Variants in FAM151B observed in about 807,000 individuals in gnomAD.
FAM151B encodes protein FAM151B.
FAM151B carries 24 observed loss-of-function variants against 31.2 expected under a neutral mutation model. The ratio of observed to expected loss-of-function variants is 0.77; its 90% CI spans 0.56 to 1.08. FAM151B has a LOEUF of 1.08. FAM151B is among the 50% of genes least tolerant of loss of function. FAM151B has a pLI of 0.00. For synonymous variants in FAM151B, 105 were observed against 111.4 expected (o/e 0.94, Z 0.36); for missense variants, 293 against 328.6 (o/e 0.89, Z 0.84).
intron 5 of FAM151B, among the ~76,000 whole-genome samples, chr5:80,522,688 G>A (rs189570981): frequency 2.6e-5 from 4 of 152,172 alleles, no homozygotes; most frequent in Admixed American, 2.6e-4. Flanking sequence ...CTTGAAACTG[G>A]GAGGCCGAGG....
chr5:80,494,196 C>T (rs1213134112), intron 1 of FAM151B, among the ~76,000 whole-genome samples: 1 of 152,176 alleles, frequency 6.6e-6, no homozygotes, highest in South Asian at 2.1e-4. Flanking sequence ...CAGAGTAAGG[C>T]CCTAACTCTC....
intron 3 of FAM151B, among the ~76,000 whole-genome samples, chr5:80,515,831 G>C (rs574449206): frequency 2.0e-5 from 3 of 152,326 alleles, no homozygotes; most frequent in Admixed American, 6.5e-5. Context: ...AGGCAATGGA[G>C]ATGGAGGGGC....
intron 5 of FAM151B, among the ~76,000 whole-genome samples, chr5:80,538,961 T>G (rs983004683): frequency 6.7e-6 from 1 of 149,456 alleles, no homozygotes; most frequent in African/African-American, 2.5e-5. Flanking sequence ...GGTTCTGTTC[T>G]TTTCTTTGCT....
At chr5:80,538,095 G>A (rs1745604608) in intron 5 of FAM151B, among the ~76,000 whole-genome samples, 1 of 147,270 alleles carries the variant, frequency 6.8e-6, no homozygotes, top group Non-Finnish European at 1.5e-5. Flanking sequence ...TTGAGGCAGA[G>A]TCTCACTCTG....
chr5:80,537,457 T>TTGTG (rs1006591423), intron 5 of FAM151B, among the ~76,000 whole-genome samples: 1 of 152,158 alleles, frequency 6.6e-6, no homozygotes, highest in South Asian at 2.1e-4. Flanking sequence ...TTCTCAGATT[T>TTGTG]TGTGTGTGTG....
At chr5:80,509,915 A>C (rs916708145) in intron 2 of FAM151B, among the ~76,000 whole-genome samples, 1 of 152,208 alleles carries the variant, frequency 6.6e-6, no homozygotes, top group Non-Finnish European at 1.5e-5. Flanking sequence ...ATGGAAAACA[A>C]TAAAATGAGC....
At chr5:80,520,570 A>C (rs1310873829) in intron 4 of FAM151B, among the ~76,000 whole-genome samples, 1 of 150,342 alleles carries the variant, frequency 6.7e-6, no homozygotes, top group Non-Finnish European at 1.5e-5. Flanking sequence ...ACTTGAACCC[A>C]GGAGGCGTAG....
In FAM151B at chr5:80,499,364, C is replaced by T. The variant is rs972799145; in HGVS notation, c.26-2428C>T. Among the ~76,000 whole-genome samples, 11 of 152,086 alleles carry T rather than the reference C, an allele frequency of 7.2e-5. No homozygotes were observed. In the East Asian group the frequency reaches 7.7e-4, roughly 11 times the overall value. On this transcript the variant is annotated intron_variant, in intron 1 of 5. Coordinates refer to ENST00000282226, the MANE Select transcript of FAM151B (RefSeq NM_205548.3). ...ATATGAGAATTATGTATATTGCACA[C>T]GCTAGATAAACTTATGAATGCTAAT... is the stretch of plus-strand genomic sequence containing the variant.
intron 5 of FAM151B, 119 bp from the exon 6 acceptor site, chr5:80,541,554 A>G (rs1484570637): frequency 1.1e-6 from 1 of 886,010 alleles, no homozygotes; most frequent in South Asian, 1.5e-5. Context: ...ATTGCTGATT[A>G]ATTTTTTCAT....
At chr5:80,501,056 C>T in intron 1 of FAM151B, 3 of 462,586 alleles carry the variant, frequency 6.5e-6, no homozygotes, top group Non-Finnish European at 1.2e-5. Flanking sequence ...CTCTGTCACC[C>T]AGGCTGGAGT....
chr5:80,529,414 AC>A (rs1225425398), intron 5 of FAM151B, among the ~76,000 whole-genome samples: 3 of 152,202 alleles, frequency 2.0e-5, no homozygotes. Context: ...AGATAGAGAC[AC>A]AAAAAACCCT....
At chr5:80,499,492 A>G (rs1228681079) in intron 1 of FAM151B, among the ~76,000 whole-genome samples, 1 of 152,186 alleles carries the variant, frequency 6.6e-6, no homozygotes, top group East Asian at 1.9e-4. Flanking sequence ...TAATATAAAT[A>G]TAGAATGGGG....
rs1745696880 is a variant in FAM151B at position 80,538,513 on chromosome 5, T to TTCCTTCC, written c.672-3159_672-3158insCCTTCCT. ...TTCCTTCCTTCCTTTCTTTTCTTTCTTTCCTTCCTTCCTTCCTTCCTTCCT... is the reference window on the plus strand; with the variant it reads ...TTCCTTCCTTCCTTTCTTTTCTTTCTTCCTTCCTTCCTTCCTTCCTTCCTTCCTTCCT... On this transcript the variant is annotated intron_variant, in intron 5 of 5. Transcript: ENST00000282226. Among the ~76,000 whole-genome samples the TTCCTTCC allele has an allele frequency of 2.1e-4, 13 of 61,532 alleles. 1 individual carries two copies. Among genetic ancestry groups the TTCCTTCC allele is most frequent in the Middle Eastern group, 7.0e-3 (1 of 142 alleles). 40.4% of individuals were successfully genotyped at this position (61,532 alleles called of 152,430 possible).
intron 2 of FAM151B, among the ~76,000 whole-genome samples, chr5:80,512,966 G>C (rs546533862): frequency 6.6e-6 from 1 of 151,750 alleles, no homozygotes; most frequent in Admixed American, 6.6e-5. Context: ...GGGGAATTAC[G>C]GCCCCAACCC....
chr5:80,532,785 A>G (rs1479741450), intron 5 of FAM151B, among the ~76,000 whole-genome samples: 1 of 152,238 alleles, frequency 6.6e-6, no homozygotes, highest in African/African-American at 2.4e-5. Context: ...AATAAATTGA[A>G]ATAATATCAA....
intron 2 of FAM151B, among the ~76,000 whole-genome samples, chr5:80,502,799 AAC>A (rs1743797629): frequency 6.6e-6 from 1 of 152,198 alleles, no homozygotes; most frequent in Admixed American, 6.5e-5. Context: ...TTATTGTCAA[AAC>A]ACTGTTTTAA....
intron 5 of FAM151B, among the ~76,000 whole-genome samples, chr5:80,537,541 A>G (rs1745575321): frequency 6.6e-6 from 1 of 152,208 alleles, no homozygotes; most frequent in African/African-American, 2.4e-5. Context: ...ATCCATGAGT[A>G]GTTGTCAAAA....
chr5:80,488,157 C>G lies in FAM151B; in HGVS notation c.25+9C>G, dbSNP rs375329663. On this transcript the variant is annotated intron_variant, in intron 1 of 5. Coordinates refer to ENST00000282226, the MANE Select transcript of FAM151B (RefSeq NM_205548.3). ...ATCCGCTGGAGGCCCAGGTAAGCGC[C>G]GAGCGCGCGGCCTCTGCCTGGAGGT... 39 of 1,541,156 alleles carry G rather than the reference C, an allele frequency of 2.5e-5. 1 individual carries two copies. In the African/African-American group the frequency reaches 4.3e-4, roughly 17 times the overall value.
In FAM151B at chr5:80,538,452, T is replaced by TTCTCTC. The variant is rs1346985523; in HGVS notation, c.672-3218_672-3217insCTCTCT. Among the ~76,000 whole-genome samples the TTCTCTC allele has an allele frequency of 1.0e-4, 5 of 49,550 alleles. 1 individual carries two copies. The highest frequency in any genetic ancestry group is 8.0e-4 in the South Asian group (1 of 1,252). The allele number at this position is 49,550 out of a possible 152,430, so 32.5% of individuals were successfully genotyped here. ...TCTTTCTTTCTTTCTTTCTTTCTCT[T>TTCTCTC]TCTTTCTTTCTTTCTTTCTTTCTTT... On this transcript the variant is annotated intron_variant, in intron 5 of 5. Transcript: ENST00000282226.
Sources: gnomAD v4.1 joint callset for allele counts (sites outside exome capture counted in the v4.1 genomes callset) on GRCh38, gnomAD v4.1.1 for gene constraint, MANE v1.5 for transcripts, NCBI Gene and HGNC (gene_info 2026-07-23, HGNC 2026-07-21) for gene names.